Variants in GRM7 observed in about 807,000 individuals in gnomAD.
The protein encoded by GRM7 is glutamate metabotropic receptor 7.
GRM7 carries 35 observed loss-of-function variants against 84.5 expected under a neutral mutation model. That is an observed-to-expected ratio of 0.41 (90% confidence interval 0.32 to 0.55). GRM7 has a LOEUF of 0.55. Ranked by LOEUF, GRM7 falls within the 20% of genes least tolerant of loss-of-function variation. The pLI, the probability that GRM7 is intolerant of heterozygous loss-of-function variation, is 0.19. For missense variants in GRM7, 1,003 were observed against 1,194.6 expected (o/e 0.84, Z 2.36); for synonymous variants, 487 against 455.1 (o/e 1.07, Z -0.89).
rs974578022 is a variant in GRM7, at chr3:7,224,481, C to T, written c.737-74203C>T. Among the ~76,000 whole-genome samples the T allele has an allele frequency of 8.5e-5, 13 of 152,196 alleles. No individual in the cohort carries two copies. In the East Asian group the frequency reaches 2.3e-3, roughly 27 times the overall value. ...ATTTGGGTGGGGACACAGGTCCAAACGATATTACTGTTGTTCTAGAATAGA... is the reference window on the plus strand; with the variant it reads ...ATTTGGGTGGGGACACAGGTCCAAATGATATTACTGTTGTTCTAGAATAGA... On this transcript the variant is annotated intron_variant, in intron 2 of 9. Coordinates refer to ENST00000357716, the MANE Select transcript of GRM7 (RefSeq NM_000844.4).
rs200391753 is a variant in GRM7 at position 7,574,116 on chromosome 3, A to AT, written c.1516-4299dup. 4.5e-3 allele frequency among the ~76,000 whole-genome samples: 626 copies of AT among 138,398 alleles called. 6 individuals are homozygous for AT. Among genetic ancestry groups the AT allele is most frequent in the African/African-American group, 0.016 (589 of 37,524 alleles). The allele number at this position is 138,398 out of a possible 152,430, so 90.8% of individuals were successfully genotyped here. ...TCTTTATTTTTATTTTATTTTTATT[A>AT]TTTTTTTGCCATCCTCAGCTTGTGA... On this transcript the variant is annotated intron_variant, in intron 7 of 9. Transcript: ENST00000357716.
At chr3:7,653,180 C>CTTTTT (rs1218949173) in intron 8 of GRM7, among the ~76,000 whole-genome samples, 78 of 89,506 alleles carry the variant, frequency 8.7e-4, no homozygotes, top group African/African-American at 1.4e-3. Flanking sequence ...ATACTATATC[C>CTTTTT]TTTTTTTTTT....
intron 4 of GRM7, among the ~76,000 whole-genome samples, chr3:7,323,060 A>G (rs1352315785): frequency 1.3e-5 from 2 of 152,102 alleles, no homozygotes; most frequent in Non-Finnish European, 2.9e-5. Context: ...TTCCCCCTGA[A>G]CACACGGTGA....
At chr3:6,903,644 C>G (rs1471841072) in intron 1 of GRM7, among the ~76,000 whole-genome samples, 1 of 152,118 alleles carries the variant, frequency 6.6e-6, no homozygotes, top group Non-Finnish European at 1.5e-5. Context: ...GGCAGTTTCT[C>G]TCTGGTTTAT....
At chr3:7,176,615 G>A (rs1208901933) in intron 2 of GRM7, among the ~76,000 whole-genome samples, 1 of 152,180 alleles carries the variant, frequency 6.6e-6, no homozygotes, top group African/African-American at 2.4e-5. Flanking sequence ...TGCCTAGAAA[G>A]GTAAGCTAAG....
In GRM7 at chr3:7,572,877, T is replaced by A. The variant is rs6762511; in HGVS notation, c.1516-5545T>A. Among the ~76,000 whole-genome samples the A allele has an allele frequency of 5.8e-3, 389 of 67,094 alleles. 14 individuals carry two copies. The highest frequency in any genetic ancestry group is 0.021 in the African/African-American group (367 of 17,286). 44.0% of individuals were successfully genotyped at this position (67,094 alleles called of 152,430 possible). On this transcript the variant is annotated intron_variant, in intron 7 of 9. Coordinates refer to ENST00000357716, the MANE Select transcript of GRM7 (RefSeq NM_000844.4). The stretch of plus-strand genomic sequence containing the variant: ...ATATATATATATATATATATATATA[T>A]ATAAATAATCTTTCTACCTATAATA...
chr3:6,995,073 G>T (rs1345613193), intron 1 of GRM7, among the ~76,000 whole-genome samples: 1 of 152,102 alleles, frequency 6.6e-6, no homozygotes, highest in African/African-American at 2.4e-5. Flanking sequence ...CTTATTCATT[G>T]GTAAATGCTT....
At chr3:7,003,399 G>C (rs1000498313) in intron 1 of GRM7, among the ~76,000 whole-genome samples, 1 of 148,588 alleles carries the variant, frequency 6.7e-6, no homozygotes, top group African/African-American at 2.6e-5. Context: ...TAAATAAATA[G>C]GTATTTTTTT....
intron 9 of GRM7, among the ~76,000 whole-genome samples, chr3:7,728,301 G>A (rs1358022246): frequency 6.6e-6 from 1 of 152,194 alleles, no homozygotes; most frequent in Non-Finnish European, 1.5e-5. Flanking sequence ...GGTAAAGGGA[G>A]AAGGTCAGAG....
At chr3:7,045,204 A>G (rs1696760633) in intron 1 of GRM7, among the ~76,000 whole-genome samples, 2 of 152,308 alleles carry the variant, frequency 1.3e-5, no homozygotes, top group South Asian at 4.1e-4. Flanking sequence ...TCTCCATGGT[A>G]TAACATTAAA....
intron 1 of GRM7, among the ~76,000 whole-genome samples, chr3:7,139,806 AAAAT>A (rs1174771781): frequency 1.3e-5 from 2 of 152,068 alleles, no homozygotes; most frequent in East Asian, 1.9e-4. Context: ...TACAAAAGCA[AAAAT>A]AAATAAATGA....
At chr3:7,702,333 C>A (rs1448081806) in intron 9 of GRM7, among the ~76,000 whole-genome samples, 1 of 152,114 alleles carries the variant, frequency 6.6e-6, no homozygotes, top group Non-Finnish European at 1.5e-5. Flanking sequence ...TGGGTGATGC[C>A]CATGTTGCTG....
chr3:7,456,987 G>T (rs978316654), intron 6 of GRM7, among the ~76,000 whole-genome samples: 2 of 152,052 alleles, frequency 1.3e-5, no homozygotes, highest in Admixed American at 6.6e-5. Context: ...CTAGAGAAAA[G>T]AAAATATTTG....
intron 4 of GRM7, among the ~76,000 whole-genome samples, chr3:7,406,746 A>G (rs1695696294): frequency 6.6e-6 from 1 of 152,224 alleles, no homozygotes; most frequent in Non-Finnish European, 1.5e-5. Context: ...ATAATTTTTA[A>G]AATCACCTAG....
chr3:7,349,856 A>G (rs1218550272), intron 4 of GRM7, among the ~76,000 whole-genome samples: 2 of 152,024 alleles, frequency 1.3e-5, no homozygotes, highest in East Asian at 3.9e-4. Context: ...ATGGATTCAT[A>G]TATTAGGTTA....
At chr3:7,643,373 T>C (rs1559459021) in intron 8 of GRM7, among the ~76,000 whole-genome samples, 1 of 151,354 alleles carries the variant, frequency 6.6e-6, no homozygotes, top group Non-Finnish European at 1.5e-5. Context: ...TAGGGCACAG[T>C]GGGACTCTGG....
At position 6,914,917 on chromosome 3, in the gene GRM7, C is replaced by T. The variant is rs187423288; in HGVS notation, c.519+53010C>T. Among the ~76,000 whole-genome samples the T allele has an allele frequency of 4.6e-5, 7 of 152,210 alleles. No homozygotes were observed. The South Asian group carries it at 1.0e-3, about 23-fold the overall frequency. Reference sequence around the variant, plus strand: ...GTGGCCCCTATCGTTCTTTGCACAACATTATTTGGTTATAACAGCTAGGCC... The same window carrying T: ...GTGGCCCCTATCGTTCTTTGCACAATATTATTTGGTTATAACAGCTAGGCC... On this transcript the variant is annotated intron_variant, in intron 1 of 9. Coordinates refer to ENST00000357716, the MANE Select transcript of GRM7 (RefSeq NM_000844.4).
chr3:7,601,257 A>G (rs907931660), intron 8 of GRM7, among the ~76,000 whole-genome samples: 2 of 152,130 alleles, frequency 1.3e-5, no homozygotes, highest in African/African-American at 2.4e-5. Flanking sequence ...TTCCTTTGTA[A>G]TGCTGTGCAT....
chr3:7,583,480 A>G (rs545445751), intron 8 of GRM7, among the ~76,000 whole-genome samples: 39 of 152,318 alleles, frequency 2.6e-4, no homozygotes, highest in African/African-American at 8.9e-4. Context: ...ATCTTTCTCA[A>G]TACAGTTTTA....
Sources: gnomAD v4.1 joint callset for allele counts (sites outside exome capture counted in the v4.1 genomes callset) on GRCh38, gnomAD v4.1.1 for gene constraint, MANE v1.5 for transcripts, NCBI Gene and HGNC (gene_info 2026-07-23, HGNC 2026-07-21) for gene names.